CD163: variants seen among roughly 807,000 people sequenced by gnomAD.
The protein encoded by CD163 is CD163 molecule.
A neutral mutation model predicts 129.2 loss-of-function variants in CD163; 64 were observed. The observed-to-expected ratio is 0.50, with a 90% CI of 0.41 to 0.61. The LOEUF is 0.61. Ranked by LOEUF, CD163 falls within the 20% of genes least tolerant of loss-of-function variation. CD163 has a pLI of 0.00. For synonymous variants in CD163, 446 were observed against 478.5 expected (o/e 0.93, Z 0.89); for missense variants, 1,061 against 1,377.9 (o/e 0.77, Z 3.64).
In CD163 at chr12:7,486,463, A is replaced by G. The variant is rs1238668872; in HGVS notation, c.2458+36T>C. The G allele has an allele frequency of 2.5e-6, 4 of 1,571,256 alleles. No homozygotes were observed. The African/African-American group carries it at 4.0e-5, about 16-fold the overall frequency. ...ACTACCCTTCCTCAGTCCTTTCTCTATGTAATTATGACCAAAGGTCATATG... is the reference window on the plus strand; with the variant it reads ...ACTACCCTTCCTCAGTCCTTTCTCTGTGTAATTATGACCAAAGGTCATATG... On this transcript the variant is annotated intron_variant, in intron 10 of 16. Transcript: ENST00000432237.
In CD163 at chr12:7,486,652, T is replaced by A. The variant is rs1341015357; in HGVS notation, c.2305A>T (p.Thr769Ser). ...QLGCGEAINA[T>S]GSAHFGEGTG... The stretch of plus-strand genomic sequence containing the variant: ...CCTTCCCCAAAATGAGCAGAACCAG[T>A]GGCATTAATGGCCTCTCCACAGCCC... The change falls in exon 10 of 17, where the codon ACT (threonine) becomes TCT (serine). Residue 769 changes from threonine (T) to serine (S), a missense_variant. Coordinates refer to ENST00000432237, the MANE Select transcript of CD163 (RefSeq NM_203416.4). 30 of 1,614,018 alleles carry A rather than the reference T, an allele frequency of 1.9e-5. No individual in the cohort carries two copies. The highest frequency in any genetic ancestry group is 2.5e-5 in the Non-Finnish European group (29 of 1,180,034).
chr12:7,479,999 GA>G (rs1949140607), intron 15 of CD163, 86 bp from the exon 16 acceptor site: 1 of 1,604,998 alleles, frequency 6.2e-7, no homozygotes, highest in Admixed American at 1.7e-5. Flanking sequence ...GGAATTTTCT[GA>G]AAGGAAGAAA....
chr12:7,476,056 A>T (rs1949082410), intron 16 of CD163, among the ~76,000 whole-genome samples: 1 of 152,188 alleles, frequency 6.6e-6, no homozygotes, highest in East Asian at 1.9e-4. Context: ...CTTAAAGGAG[A>T]ACTACCAACC....
At chr12:7,475,621 T>A (rs1445660341) in intron 16 of CD163, among the ~76,000 whole-genome samples, 11 of 151,980 alleles carry the variant, frequency 7.2e-5, no homozygotes, top group Non-Finnish European at 1.6e-4. Context: ...GACAAACCCA[T>A]AGCCAATATA....
chr12:7,471,640 C>A (rs181321544), intron 16 of CD163, among the ~76,000 whole-genome samples: 3 of 143,972 alleles, frequency 2.1e-5, no homozygotes, highest in African/African-American at 4.9e-5. Flanking sequence ...AGGAACAGCT[C>A]CAGTCTGCAG....
Position 7,487,102 on chromosome 12 carries a change from T to G in CD163, c.2051-116A>C. Reference sequence around the variant, plus strand: ...GCTTAGAGAGAGAGGGGAAGGTGGATGGTCAACAAGTTTGAAATAAATCAG... The same window carrying G: ...GCTTAGAGAGAGAGGGGAAGGTGGAGGGTCAACAAGTTTGAAATAAATCAG... On this transcript the variant is annotated intron_variant, in intron 8 of 16. Coordinates refer to ENST00000432237, the MANE Select transcript of CD163 (RefSeq NM_203416.4). This position sits in a 1 kb window ranked among gnomAD's most constrained non-coding sequence, Gnocchi z 5.1. The G allele has an allele frequency of 1.2e-6, 1 of 857,644 alleles. No homozygotes were observed. The highest frequency in any genetic ancestry group is 1.8e-6 in the Non-Finnish European group (1 of 547,124). The allele number at this position is 857,644 out of a possible 1,614,324, so 53.1% of individuals were successfully genotyped here.
chr12:7,476,701 C>G lies in CD163; in HGVS notation c.*31+3159G>C, dbSNP rs768962931. 8.5e-5 allele frequency among the ~76,000 whole-genome samples: 13 copies of G among 152,266 alleles called. No homozygotes were observed. In the South Asian group the frequency reaches 1.7e-3, roughly 19 times the overall value. ...GGCAAAGACTTCATAACTAAAACACCAAAAGCAATGGCAACAAAAGCCAAA... is the reference window on the plus strand; with the variant it reads ...GGCAAAGACTTCATAACTAAAACACGAAAAGCAATGGCAACAAAAGCCAAA... On this transcript the variant is annotated intron_variant, in intron 16 of 16. Coordinates refer to ENST00000432237, the MANE Select transcript of CD163 (RefSeq NM_203416.4).
At chr12:7,497,848 G>A (rs1949423434) in intron 4 of CD163, among the ~76,000 whole-genome samples, 1 of 152,168 alleles carries the variant, frequency 6.6e-6, no homozygotes, top group African/African-American at 2.4e-5. Flanking sequence ...GGTACAGTCT[G>A]TGTTTTTTCT....
At position 7,496,116 on chromosome 12, in the gene CD163, A is replaced by G. The variant is rs1335588022; in HGVS notation, c.1099+697T>C. Among the ~76,000 whole-genome samples the G allele has an allele frequency of 2.0e-5, 3 of 152,248 alleles. No individual in the cohort carries two copies. The stretch of plus-strand genomic sequence containing the variant: ...ATAGACTGGATAAAGAAAATGTGGT[A>G]CATATACACCATGGAATACTACGCA... On this transcript the variant is annotated intron_variant, in intron 5 of 16. Transcript: ENST00000432237. The surrounding 1 kb of genome is among the most constrained non-coding windows in gnomAD (Gnocchi z 4.8).
intron 16 of CD163, among the ~76,000 whole-genome samples, chr12:7,478,831 T>C (rs779411687): frequency 2.0e-4 from 31 of 152,166 alleles, no homozygotes; most frequent in African/African-American, 7.5e-4. Context: ...TATATAATAT[T>C]TCTATAAAAA....
chr12:7,494,792 C>T lies in CD163; in HGVS notation c.1420+289G>A, dbSNP rs752173592. Reference sequence around the variant, plus strand: ...TATTTTTTAAATCTTTTGGTGACATCCTGTGAAAGAAATATTGAATTCTAT... The same window carrying T: ...TATTTTTTAAATCTTTTGGTGACATTCTGTGAAAGAAATATTGAATTCTAT... On this transcript the variant is annotated intron_variant, in intron 6 of 16. Transcript: ENST00000432237. 2.0e-5 allele frequency among the ~76,000 whole-genome samples: 3 copies of T among 152,250 alleles called. No individual in the cohort carries two copies. In the South Asian group the frequency reaches 6.2e-4, roughly 32 times the overall value.
At chr12:7,495,690 A>G (rs58020723) in intron 5 of CD163, among the ~76,000 whole-genome samples, 1 of 152,138 alleles carries the variant, frequency 6.6e-6, no homozygotes, top group Non-Finnish European at 1.5e-5. Context: ...TTCTGAAAAG[A>G]AGGCATTTAT....
At chr12:7,473,400 A>G (rs1949034873) in intron 16 of CD163, among the ~76,000 whole-genome samples, 1 of 152,230 alleles carries the variant, frequency 6.6e-6, no homozygotes, top group African/African-American at 2.4e-5. Context: ...ACAAGCCAGA[A>G]GAGAGTGGGG....
intron 6 of CD163, among the ~76,000 whole-genome samples, chr12:7,492,767 A>G (rs973462328): frequency 6.6e-6 from 1 of 152,160 alleles, no homozygotes; most frequent in African/African-American, 2.4e-5. Flanking sequence ...AGAGTCCTAT[A>G]ATTTGGAATT....
chr12:7,486,661 T>C lies in CD163; in HGVS notation c.2296A>G (p.Ile766Val), dbSNP rs1949253448. The C allele has an allele frequency of 1.2e-6, 2 of 1,614,160 alleles. No homozygotes were observed. Among genetic ancestry groups the C allele is most frequent in the South Asian group, 1.1e-5 (1 of 91,080 alleles). ...AAATGAGCAGAACCAGTGGCATTAA[T>C]GGCCTCTCCACAGCCCAGCTGTCTG... Reference protein sequence around the residue: ...VCRQLGCGEAINATGSAHFGE... With the variant: ...VCRQLGCGEAVNATGSAHFGE... Residue 766 changes from isoleucine (I) to valine (V), a missense_variant, in exon 10 of 17, where the codon ATT (isoleucine) becomes GTT (valine). Ile to Val is a conservative substitution (Grantham distance 29). Coordinates refer to ENST00000432237, the MANE Select transcript of CD163 (RefSeq NM_203416.4).
At position 7,483,661 on chromosome 12, in the gene CD163, G is replaced by C; in HGVS notation, c.2794C>G (p.Gln932Glu). ...WITCDNKIRL[Q>E]EGPTSCSGRV... ...CCAGAACAGGAAGTGGGTCCTTCCT[G>C]AAGTCTTATCTTGTCTGAAAAATCA... Residue 932 changes from glutamine (Q) to glutamate (E), a missense_variant, in exon 12 of 17, where the codon CAG (glutamine) becomes GAG (glutamate). Physicochemically the swap from Gln to Glu is conservative, Grantham distance 29. Transcript: ENST00000432237. 6.2e-7 allele frequency: 1 copy of C among 1,611,072 alleles called. No individual in the cohort carries two copies. Among genetic ancestry groups the C allele is most frequent in the Non-Finnish European group, 8.5e-7 (1 of 1,178,630 alleles).
Position 7,482,781 on chromosome 12 carries a change from C to G in CD163, c.3128-19G>C, listed in dbSNP as rs765891958. The G allele has an allele frequency of 6.2e-7, 1 of 1,613,500 alleles. No homozygotes were observed. The highest frequency in any genetic ancestry group is 2.2e-5 in the East Asian group (1 of 44,842). On this transcript the variant is annotated intron_variant, in intron 13 of 16. Transcript: ENST00000432237. The stretch of plus-strand genomic sequence containing the variant: ...GAGCGACCTAAGTAAAAGTAAATAT[C>G]AAGAGATATGATCATGTCTTATCGA...
chr12:7,474,750 G>A (rs1305294642), intron 16 of CD163, among the ~76,000 whole-genome samples: 4 of 152,086 alleles, frequency 2.6e-5, no homozygotes, highest in Non-Finnish European at 5.9e-5. Flanking sequence ...AGGAGATGGA[G>A]ACATGAAAAA....
At chr12:7,471,964 TAAG>T (rs1428956149) in intron 16 of CD163, 1 of 152,192 alleles carries the variant, frequency 6.6e-6, no homozygotes, top group African/African-American at 2.4e-5. Context: ...GTGACAGCGC[TAAG>T]GAGGCCAAGG....
Sources: gnomAD v4.1 joint callset for allele counts (sites outside exome capture counted in the v4.1 genomes callset) on GRCh38, gnomAD v4.1.1 for gene constraint, Gnocchi (gnomAD v3.1) non-coding constraint, MANE v1.5 for transcripts, NCBI Gene and HGNC (gene_info 2026-07-23, HGNC 2026-07-21) for gene names.